Variants in MAPK14 observed in about 807,000 individuals in gnomAD.
MAPK14 encodes CSAID-binding protein.
In MAPK14, 16 loss-of-function variants were observed where a neutral mutation model predicts 49.6. The ratio of observed to expected loss-of-function variants is 0.32; its 90% CI spans 0.22 to 0.49. The LOEUF is 0.49. Ranked by LOEUF, MAPK14 falls within the 20% of genes least tolerant of loss-of-function variation. The pLI is 0.99. For missense variants in MAPK14, 200 were observed against 441.2 expected, an observed-to-expected ratio of 0.45 and a Z score of 4.90; for synonymous variants, 142 against 158.0, an observed-to-expected ratio of 0.90 and a Z score of 0.76.
intron 1 of MAPK14, among the ~76,000 whole-genome samples, chr6:36,035,679 C>G (rs929468294): frequency 1.3e-5 from 2 of 152,158 alleles, no homozygotes; most frequent in African/African-American, 4.8e-5. Flanking sequence ...AATTATATTC[C>G]AGTAAACAAA....
At position 36,062,660 on chromosome 6, in the gene MAPK14, TTC is replaced by T. The variant is rs1763869574; in HGVS notation, c.305+3315_305+3316del. 2.5e-5 allele frequency among the ~76,000 whole-genome samples: 3 copies of T among 120,632 alleles called. No individual in the cohort carries two copies. In the South Asian group the frequency reaches 1.0e-3, roughly 42 times the overall value. The allele number at this position is 120,632 out of a possible 152,430, so 79.1% of individuals were successfully genotyped here. On this transcript the variant is annotated intron_variant, in intron 3 of 11. Coordinates refer to ENST00000229794, the MANE Select transcript of MAPK14 (RefSeq NM_139012.3). The stretch of plus-strand genomic sequence containing the variant: ...ATAGTTTTTTTTTTTTCTTTTTCTT[TTC>T]TTTTTTTTTTTTTGAGGTGGAGTCT...
At chr6:36,035,121 A>G (rs553795236) in intron 1 of MAPK14, among the ~76,000 whole-genome samples, 6 of 151,094 alleles carry the variant, frequency 4.0e-5, no homozygotes, top group African/African-American at 1.5e-4. Context: ...CTGGTCTCGA[A>G]CTCCTGACCT....
intron 9 of MAPK14, chr6:36,098,201 AATT>A (rs1440771003): frequency 6.6e-6 from 1 of 152,226 alleles, no homozygotes; most frequent in Non-Finnish European, 1.5e-5. Context: ...TGATGGCAAT[AATT>A]ATGAAGAAAT....
chr6:36,066,086 C>T lies in MAPK14; in HGVS notation c.305+6739C>T, dbSNP rs851013. The stretch of plus-strand genomic sequence containing the variant: ...AAAACTCTTTTTTTTTCAGTAACAT[C>T]TTGGAGGGTACAAAGGGCTTTCACA... On this transcript the variant is annotated intron_variant, in intron 3 of 11. Transcript: ENST00000229794. Among the ~76,000 whole-genome samples, 669 of 152,066 alleles carry T rather than the reference C, an allele frequency of 4.4e-3. 4 individuals are homozygous for T. Among genetic ancestry groups the T allele is most frequent in the Non-Finnish European group, 8.2e-3 (560 of 67,956 alleles).
chr6:36,115,648 C>T (rs1029195062), downstream of MAPK14, among the ~76,000 whole-genome samples: 13 of 152,020 alleles, frequency 8.6e-5, no homozygotes, highest in East Asian at 1.7e-3. Flanking sequence ...TTAACTGGGG[C>T]GGGGCGCAGT....
chr6:36,067,892 AC>A (rs1366621041), intron 3 of MAPK14, among the ~76,000 whole-genome samples: 1 of 152,156 alleles, frequency 6.6e-6, no homozygotes, highest in Non-Finnish European at 1.5e-5. Flanking sequence ...TACTTTAGAT[AC>A]TACAGGGAAC....
chr6:36,040,219 G>T (rs1562100172), intron 1 of MAPK14, among the ~76,000 whole-genome samples: 1 of 152,108 alleles, frequency 6.6e-6, no homozygotes, highest in Non-Finnish European at 1.5e-5. Flanking sequence ...AGTGTAGTAT[G>T]TTTAGCAGCA....
intron 3 of MAPK14, among the ~76,000 whole-genome samples, chr6:36,065,059 C>T (rs1312056853): frequency 6.6e-6 from 1 of 152,250 alleles, no homozygotes. Context: ...ACATGACTGT[C>T]TCCTTTCCTT....
chr6:36,118,432 A>G, the MAPK14 span, among the ~76,000 whole-genome samples: 1 of 152,288 alleles, frequency 6.6e-6, no homozygotes, highest in South Asian at 2.1e-4. Flanking sequence ...TCTCGCTGGC[A>G]CCCCTAGAAC....
At chr6:36,118,483 C>T in the MAPK14 span, among the ~76,000 whole-genome samples, 1 of 152,138 alleles carries the variant, frequency 6.6e-6, no homozygotes, top group African/African-American at 2.4e-5. Flanking sequence ...ATTTCTGGGC[C>T]GGTGCACCTT....
the MAPK14 span, among the ~76,000 whole-genome samples, chr6:36,122,615 C>T: frequency 6.6e-6 from 1 of 152,198 alleles, no homozygotes; most frequent in South Asian, 2.1e-4. Context: ...TAAACAGGTA[C>T]ACAGGGCTTG....
At chr6:36,123,326 A>C in the MAPK14 span, among the ~76,000 whole-genome samples, 2 of 152,166 alleles carry the variant, frequency 1.3e-5, no homozygotes, top group Non-Finnish European at 1.5e-5. Context: ...GTCCAGCCTC[A>C]TGCTAGGACC....
At chr6:36,094,829 G>A (rs1765383560) in intron 8 of MAPK14, among the ~76,000 whole-genome samples, 1 of 152,146 alleles carries the variant, frequency 6.6e-6, no homozygotes, top group Non-Finnish European at 1.5e-5. Flanking sequence ...GCACTATGAT[G>A]TTATCAAGCA....
chr6:36,060,637 T>C (rs1043094795), intron 3 of MAPK14, among the ~76,000 whole-genome samples: 2 of 152,072 alleles, frequency 1.3e-5, no homozygotes, highest in African/African-American at 4.8e-5. Flanking sequence ...CCCATTCTTA[T>C]CCTGGGCTGA....
At position 36,107,442 on chromosome 6, in the gene MAPK14, A is replaced by T; in HGVS notation, c.842-13A>T. On this transcript the variant is annotated splice_polypyrimidine_tract_variant and intron_variant, in intron 10 of 11. Coordinates refer to ENST00000229794, the MANE Select transcript of MAPK14 (RefSeq NM_139012.3). This position sits in a 1 kb window ranked among gnomAD's most constrained non-coding sequence, Gnocchi z 4.3. ...TTAAAAACTCTTTTCCTTCCTGTCT[A>T]TGGTACTGATAGCTGTCGACTTGCT... is the stretch of plus-strand genomic sequence containing the variant. 6.6e-7 allele frequency: 1 copy of T among 1,504,916 alleles called. No homozygotes were observed. The highest frequency in any genetic ancestry group is 8.9e-7 in the Non-Finnish European group (1 of 1,123,332). 93.2% of individuals were successfully genotyped at this position (1,504,916 alleles called of 1,614,324 possible). A position where few individuals can be genotyped will look rare whatever the true frequency, so the allele number is the denominator to read the frequency against.
chr6:36,067,534 C>T lies in MAPK14; in HGVS notation c.306-5339C>T, dbSNP rs189441413. ...GTTGTCTGAAAGCATGCTCAGTGCTCTCTCCTTTGACTAGCTTTTTTGTTT... is the reference window on the plus strand; with the variant it reads ...GTTGTCTGAAAGCATGCTCAGTGCTTTCTCCTTTGACTAGCTTTTTTGTTT... On this transcript the variant is annotated intron_variant, in intron 3 of 11. Coordinates refer to ENST00000229794, the MANE Select transcript of MAPK14 (RefSeq NM_139012.3). Among the ~76,000 whole-genome samples the T allele has an allele frequency of 1.1e-4, 17 of 152,256 alleles. No individual in the cohort carries two copies. The East Asian group carries it at 3.3e-3, about 29-fold the overall frequency.
In MAPK14 at chr6:36,028,363, A is replaced by C. The variant is rs755055867; in HGVS notation, c.116+90A>C. 20 of 904,910 alleles carry C rather than the reference A, an allele frequency of 2.2e-5. No homozygotes were observed. The highest frequency in any genetic ancestry group is 2.6e-4 in the Middle Eastern group (1 of 3,824). 56.1% of individuals were successfully genotyped at this position (904,910 alleles called of 1,614,324 possible). A position where few individuals can be genotyped will look rare whatever the true frequency, so the allele number is the denominator to read the frequency against. ...TGCTCCACTGCTCAGCGTTGCGTCA[A>C]GTGGCAGGAATTTTCCTCGGGGGAG... On this transcript the variant is annotated intron_variant, in intron 1 of 11. Coordinates refer to ENST00000229794, the MANE Select transcript of MAPK14 (RefSeq NM_139012.3). This position sits in a 1 kb window ranked among gnomAD's most constrained non-coding sequence, Gnocchi z 5.1.
At chr6:36,031,403 ATTC>A (rs928293466) in intron 1 of MAPK14, among the ~76,000 whole-genome samples, 20 of 151,956 alleles carry the variant, frequency 1.3e-4, no homozygotes, top group East Asian at 5.8e-4. Context: ...AGCCTGTGAT[ATTC>A]TTCTTCTTTT....
intron 2 of MAPK14, among the ~76,000 whole-genome samples, chr6:36,056,363 A>G (rs573920155): frequency 1.6e-4 from 25 of 152,324 alleles, no homozygotes; most frequent in African/African-American, 5.8e-4. Flanking sequence ...TGATGTCCTC[A>G]TGTTTTTCAT....
Sources: allele counts gnomAD v4.1 joint callset (sites outside exome capture counted in the v4.1 genomes callset), GRCh38; gene constraint gnomAD v4.1.1; non-coding constraint Gnocchi (gnomAD v3.1); transcripts MANE v1.5; gene names NCBI Gene and HGNC (gene_info 2026-07-23, HGNC 2026-07-21).